The following CNTRL variants were observed in gnomAD, a reference collection of about 807,000 sequenced individuals.
The protein encoded by CNTRL is 110 kDa centrosomal protein.
A neutral mutation model predicts 303.7 loss-of-function variants in CNTRL; 233 were observed. The ratio of observed to expected loss-of-function variants is 0.77; its 90% CI spans 0.69 to 0.86. CNTRL has a LOEUF of 0.86. Ranked by LOEUF, CNTRL falls within the 40% of genes least tolerant of loss-of-function variation. The pLI is 0.00. For missense variants in CNTRL, 2,524 were observed against 2,650.6 expected (o/e 0.95, Z 1.05); for synonymous variants, 900 against 922.2 (o/e 0.98, Z 0.44).
chr9:121,105,217 T>TC (rs1192965225), intron 7 of CNTRL, among the ~76,000 whole-genome samples: 12 of 152,144 alleles, frequency 7.9e-5, no homozygotes, highest in Admixed American at 7.9e-4. Flanking sequence ...ATAGGAGTGA[T>TC]CCAGGTTGGA....
chr9:121,138,615 C>T lies in CNTRL; in HGVS notation c.2273C>T (p.Ala758Val). 1 of 1,613,892 alleles carries T rather than the reference C, an allele frequency of 6.2e-7. No individual in the cohort carries two copies. The highest frequency in any genetic ancestry group is 8.5e-7 in the Non-Finnish European group (1 of 1,179,828). The change falls in exon 16 of 44, where the codon GCC becomes GTC. Residue 758 changes from alanine to valine, a missense_variant. Physicochemically the swap from Ala to Val is moderately conservative, Grantham distance 64 (BLOSUM62 0). Transcript: ENST00000373855. Reference sequence around the variant, plus strand: ...GCCCTCAAGAATGCCCTTGGAAAAGCCCAGTTCTCAGAAGAAAAGGAGCAA... The same window carrying T: ...GCCCTCAAGAATGCCCTTGGAAAAGTCCAGTTCTCAGAAGAAAAGGAGCAA... ...RQALKNALGK[A>V]QFSEEKEQEN...
intron 7 of CNTRL, among the ~76,000 whole-genome samples, chr9:121,107,384 G>C (rs916049486): frequency 6.6e-6 from 1 of 152,102 alleles, no homozygotes; most frequent in African/African-American, 2.4e-5. Context: ...TCAGCTTTTC[G>C]CAAGCCTTTT....
At chr9:121,147,387 G>A (rs531793143) in intron 23 of CNTRL, among the ~76,000 whole-genome samples, 2 of 151,872 alleles carry the variant, frequency 1.3e-5, no homozygotes, top group Non-Finnish European at 1.5e-5. Flanking sequence ...CATGAGAAAT[G>A]GGTTGTGTAC....
At chr9:121,139,307 A>G (rs1466526897) in intron 16 of CNTRL, among the ~76,000 whole-genome samples, 1 of 152,176 alleles carries the variant, frequency 6.6e-6, no homozygotes, top group Non-Finnish European at 1.5e-5. Flanking sequence ...TACCTGAATC[A>G]TCACTCAGTT....
At chr9:121,163,079 C>T (rs1277008956) in intron 34 of CNTRL, among the ~76,000 whole-genome samples, 2 of 151,788 alleles carry the variant, frequency 1.3e-5, no homozygotes, top group East Asian at 3.9e-4. Context: ...TTGGCTCATG[C>T]CAGTAATCCC....
intron 8 of CNTRL, among the ~76,000 whole-genome samples, chr9:121,112,191 A>C (rs1425197182): frequency 2.0e-5 from 3 of 152,208 alleles, no homozygotes; most frequent in African/African-American, 7.2e-5. Context: ...TAACAAATTT[A>C]AGTGATTTTT....
intron 39 of CNTRL, 46 bp from the exon 40 acceptor site, chr9:121,171,362 C>A (rs1773770127): frequency 6.2e-7 from 1 of 1,610,290 alleles, no homozygotes. Context: ...GCAAACCACA[C>A]CTCCATGTGT....
chr9:121,164,253 A>G (rs2052994108), intron 34 of CNTRL, among the ~76,000 whole-genome samples: 1 of 152,260 alleles, frequency 6.6e-6, no homozygotes, highest in Non-Finnish European at 1.5e-5. Context: ...CTTAAAAATC[A>G]AACATACGCC....
chr9:121,091,104 C>T (rs2048551592), intron 4 of CNTRL, among the ~76,000 whole-genome samples: 1 of 152,208 alleles, frequency 6.6e-6, no homozygotes, highest in Non-Finnish European at 1.5e-5. Flanking sequence ...GTCCCTCCCA[C>T]AACACATGGG....
At chr9:121,157,712 C>A (rs188502311) in intron 28 of CNTRL, 28 bp from the exon 29 acceptor site, 1 of 1,611,964 alleles carries the variant, frequency 6.2e-7, no homozygotes, top group Non-Finnish European at 8.5e-7. Flanking sequence ...TCTACAGGAC[C>A]TGGGGGGAAT....
chr9:121,168,980 G>A (rs1588332781), intron 38 of CNTRL, among the ~76,000 whole-genome samples: 1 of 152,138 alleles, frequency 6.6e-6, no homozygotes, highest in Admixed American at 6.5e-5. Context: ...AAAATATGTC[G>A]AGTTCTGATC....
At chr9:121,168,813 A>G (rs1564303013) in intron 38 of CNTRL, among the ~76,000 whole-genome samples, 1 of 152,216 alleles carries the variant, frequency 6.6e-6, no homozygotes, top group Non-Finnish European at 1.5e-5. Flanking sequence ...TTGTTCTCAC[A>G]TCAGTAAATG....
In CNTRL at chr9:121,092,759, CTA is replaced by C. The variant is rs1491436175; in HGVS notation, c.349-2121_349-2120del. ...ATATATATCTATATATAATATATAT[CTA>C]TATATATTATATATATCTATATAGA... On this transcript the variant is annotated intron_variant, in intron 4 of 43. Transcript: ENST00000373855. 2.9e-4 allele frequency among the ~76,000 whole-genome samples: 24 copies of C among 82,538 alleles called. 7 individuals carry two copies. The highest frequency in any genetic ancestry group is 5.1e-4 in the Non-Finnish European group (23 of 44,754). The allele number at this position is 82,538 out of a possible 152,430, so 54.1% of individuals were successfully genotyped here. A position where few individuals can be genotyped will look rare whatever the true frequency, so the allele number is the denominator to read the frequency against.
chr9:121,160,082 T>C (rs1165737823), intron 31 of CNTRL, 61 bp from the exon 32 acceptor site: 6 of 1,231,994 alleles, frequency 4.9e-6, no homozygotes, highest in East Asian at 2.7e-5. Context: ...ACAGAACTTA[T>C]TTTGAAGTAA....
intron 23 of CNTRL, among the ~76,000 whole-genome samples, chr9:121,147,152 G>A (rs1327533792): frequency 2.0e-5 from 3 of 152,080 alleles, no homozygotes; most frequent in East Asian, 1.9e-4. Flanking sequence ...ATAGGCATGC[G>A]CCACCACGCC....
At chr9:121,121,629 A>G (rs2050228605) in intron 12 of CNTRL, 1 of 167,308 alleles carries the variant, frequency 6.0e-6, no homozygotes, top group South Asian at 2.0e-4. Context: ...ACTGTTCGCT[A>G]GAGGGAACGA....
chr9:121,168,313 C>G lies in CNTRL; in HGVS notation c.6062C>G (p.Ser2021Cys). The change falls in exon 38 of 44, where the codon TCC becomes TGC. Residue 2021 changes from serine (S) to cysteine (C), a missense_variant. Physicochemically the swap from Ser to Cys is moderately radical, Grantham distance 112. Transcript: ENST00000373855. ...TGTGAGAGCCTGGAGAAGACACTCT[C>G]CCAAACTAGTATGTATTCTGGAACT... ...RWCESLEKTLSQTKRQLSERE... is the reference protein window; with the variant it reads ...RWCESLEKTLCQTKRQLSERE... 6.2e-7 allele frequency: 1 copy of G among 1,613,622 alleles called. No homozygotes were observed. The highest frequency in any genetic ancestry group is 1.1e-5 in the South Asian group (1 of 91,054).
chr9:121,103,890 G>A (rs914183616), intron 7 of CNTRL, among the ~76,000 whole-genome samples: 12 of 152,222 alleles, frequency 7.9e-5, no homozygotes, highest in Non-Finnish European at 1.5e-4. Flanking sequence ...GTGCTGGAGA[G>A]GATGTGGAGA....
chr9:121,108,088 A>G, intron 8 of CNTRL, 93 bp downstream of exon 8: 1 of 759,428 alleles, frequency 1.3e-6, no homozygotes, highest in Non-Finnish European at 2.0e-6. Flanking sequence ...CTGACCATAT[A>G]ATGGGGAAGA....
Sources: gnomAD v4.1 joint callset for allele counts (sites outside exome capture counted in the v4.1 genomes callset) on GRCh38, gnomAD v4.1.1 for gene constraint, MANE v1.5 for transcripts, NCBI Gene and HGNC (gene_info 2026-07-23, HGNC 2026-07-21) for gene names.